The following NLRP14 variants were observed in gnomAD, a reference collection of about 807,000 sequenced individuals.
The protein encoded by NLRP14 is NACHT, LRR and PYD domains-containing protein 14.
NLRP14 carries 105 observed loss-of-function variants against 94.7 expected under a neutral mutation model. That is an observed-to-expected ratio of 1.11 (90% CI 0.95 to 1.30). The LOEUF (loss-of-function observed/expected upper bound fraction) is 1.30, where lower values mean the gene tolerates loss of function less well. Among genes scored for constraint, NLRP14 ranks in the 50% most tolerant of loss-of-function variants. The pLI is 0.00. For synonymous variants in NLRP14, 508 were observed against 459.9 expected (o/e 1.10, Z -1.34); for missense variants, 1,362 against 1,254.1 (o/e 1.09, Z -1.30).
At chr11:7,075,217 T>C (rs151309259), downstream of NLRP14, among the ~76,000 whole-genome samples, 241 of 152,334 alleles carry the variant, frequency 1.6e-3, no homozygotes, top group Non-Finnish European at 2.8e-3. Flanking sequence ...TTGGGGACTT[T>C]GGATTTTATT....
chr11:7,072,218 G>A (rs1235550839), downstream of NLRP14, among the ~76,000 whole-genome samples: 1 of 152,208 alleles, frequency 6.6e-6, no homozygotes, highest in Non-Finnish European at 1.5e-5. Flanking sequence ...GGGGTCCCTT[G>A]GTGGTATTCA....
At chr11:7,088,382 G>A in the NLRP14 span, among the ~76,000 whole-genome samples, 2 of 152,088 alleles carry the variant, frequency 1.3e-5, no homozygotes, top group Non-Finnish European at 2.9e-5. Flanking sequence ...ACAGCTCAAG[G>A]CATGATATTA....
chr11:7,056,077 G>GA (rs1209884478), intron 6 of NLRP14, among the ~76,000 whole-genome samples: 7 of 151,806 alleles, frequency 4.6e-5, no homozygotes, highest in Non-Finnish European at 2.9e-5. Flanking sequence ...ATACAGGTGA[G>GA]AAAAAACCTC....
At chr11:7,025,119 T>C (rs890607805) in intron 1 of NLRP14, among the ~76,000 whole-genome samples, 4 of 152,080 alleles carry the variant, frequency 2.6e-5, no homozygotes, top group Admixed American at 2.6e-4. Flanking sequence ...TCTGGATTAG[T>C]GAATAAAGAC....
chr11:7,090,060 T>C, the NLRP14 span: 2 of 1,612,806 alleles, frequency 1.2e-6, no homozygotes, highest in African/African-American at 1.3e-5. Context: ...GTACCGGGGC[T>C]ACTCACCCGA....
At chr11:7,071,103 C>T in intron 11 of NLRP14, 70 bp from the exon 12 acceptor site, 2 of 1,559,488 alleles carry the variant, frequency 1.3e-6, no homozygotes, top group South Asian at 1.1e-5. Flanking sequence ...GAAATAAATC[C>T]TTTACAGAGA....
At position 7,058,401 on chromosome 11, in the gene NLRP14, C is replaced by A; in HGVS notation, c.2584C>A (p.Leu862Ile). 2 of 1,612,796 alleles carry A rather than the reference C, an allele frequency of 1.2e-6. No individual in the cohort carries two copies. Among genetic ancestry groups the A allele is most frequent in the Non-Finnish European group, 1.7e-6 (2 of 1,178,980 alleles). ...DNVLGDGGVKLMSDALQHAQC... is the reference protein window; with the variant it reads ...DNVLGDGGVKIMSDALQHAQC... Reference sequence around the variant, plus strand: ...TGTCTTGGGTGATGGTGGAGTAAAGCTTATGAGTGATGCCCTGCAACATGC... The same window carrying A: ...TGTCTTGGGTGATGGTGGAGTAAAGATTATGAGTGATGCCCTGCAACATGC... Residue 862 changes from leucine (L) to isoleucine (I), a missense_variant, in exon 8 of 12, where the codon CTT becomes ATT. By Grantham distance (5) the Leu-to-Ile change is conservative (BLOSUM62 2). Transcript: ENST00000299481.
intron 6 of NLRP14, among the ~76,000 whole-genome samples, chr11:7,055,670 G>A (rs1043599265): frequency 4.6e-5 from 7 of 151,966 alleles, no homozygotes; most frequent in Admixed American, 1.3e-4. Flanking sequence ...TCTTGCATCC[G>A]TTAAAATCCT....
chr11:7,037,599 A>G (rs1426396917), intron 1 of NLRP14, among the ~76,000 whole-genome samples: 2 of 152,202 alleles, frequency 1.3e-5, no homozygotes, highest in African/African-American at 4.8e-5. Flanking sequence ...TTAAGTGATT[A>G]ATTGGAGCAC....
Position 7,059,958 on chromosome 11 carries a change from A to G in NLRP14, c.2698A>G (p.Lys900Glu), listed in dbSNP as rs1852589662. Residue 900 changes from lysine (K) to glutamate (E), a missense_variant, in exon 9 of 12, where the codon AAG becomes GAG. Physicochemically the swap from Lys to Glu is moderately conservative, Grantham distance 56. Transcript: ENST00000299481. ...TCTGTCAACTTCTCTTCTACACAACAAGAGCCTGACGCATCTGGATCTAGG... is the reference window on the plus strand; with the variant it reads ...TCTGTCAACTTCTCTTCTACACAACGAGAGCCTGACGCATCTGGATCTAGG... ...EYLSTSLLHN[K>E]SLTHLDLGSN... 6.2e-7 allele frequency: 1 copy of G among 1,612,538 alleles called. No homozygotes were observed. The highest frequency in any genetic ancestry group is 8.5e-7 in the Non-Finnish European group (1 of 1,178,910).
chr11:7,031,841 A>C (rs1010542559), intron 1 of NLRP14, among the ~76,000 whole-genome samples: 4 of 152,184 alleles, frequency 2.6e-5, no homozygotes, highest in African/African-American at 9.7e-5. Context: ...CCAGGTTATC[A>C]GTATCTGTCT....
In NLRP14 at chr11:7,059,979, C is replaced by A; in HGVS notation, c.2719C>A (p.Leu907Ile). ...LHNKSLTHLD[L>I]GSNWLQDNGV... ...CAACAAGAGCCTGACGCATCTGGAT[C>A]TAGGATCAAACTGGCTACAAGACAA... Residue 907 changes from leucine to isoleucine, a missense_variant, in exon 9 of 12, where the codon CTA (leucine) becomes ATA (isoleucine). Coordinates refer to ENST00000299481, the MANE Select transcript of NLRP14 (RefSeq NM_176822.4). 1 of 1,612,676 alleles carries A rather than the reference C, an allele frequency of 6.2e-7. No homozygotes were observed. The highest frequency in any genetic ancestry group is 8.5e-7 in the Non-Finnish European group (1 of 1,178,910).
chr11:7,061,549 T>C (rs1852620688), intron 9 of NLRP14, among the ~76,000 whole-genome samples: 1 of 152,038 alleles, frequency 6.6e-6, no homozygotes, highest in Admixed American at 6.6e-5. Flanking sequence ...CTAAAAGTCA[T>C]TAAGGTGATG....
the NLRP14 span, among the ~76,000 whole-genome samples, chr11:7,088,093 G>A: frequency 2.0e-4 from 30 of 152,134 alleles, no homozygotes; most frequent in African/African-American, 7.2e-4. Flanking sequence ...GTTAGAAAAG[G>A]GAAGATTTAA....
chr11:7,066,827 C>G (rs140133470), intron 10 of NLRP14, among the ~76,000 whole-genome samples: 2,010 of 152,074 alleles, frequency 0.013, 32 homozygotes, highest in Middle Eastern at 0.068. Flanking sequence ...GGTTTTAGGT[C>G]TTATGTTTAA....
rs753143817 is a variant in NLRP14, at chr11:7,046,725, T to A, written c.2016T>A (p.Asn672Lys). 3.1e-6 allele frequency: 5 copies of A among 1,613,348 alleles called. No individual in the cohort carries two copies. The highest frequency in any genetic ancestry group is 4.2e-6 in the Non-Finnish European group (5 of 1,179,340). Residue 672 changes from asparagine (N) to lysine (K), a missense_variant, in exon 5 of 12, where the codon AAT becomes AAA. Physicochemically the swap from Asn to Lys is moderately conservative, Grantham distance 94. Coordinates refer to ENST00000299481, the MANE Select transcript of NLRP14 (RefSeq NM_176822.4). ...WQDLCSVLHT[N>K]EHLRELDLYH... ...ATCTCTGTTCTGTGCTTCATACAAA[T>A]GAACACTTGAGAGAATTGGACCTGT...
the NLRP14 span, among the ~76,000 whole-genome samples, chr11:7,082,019 G>A: frequency 2.1e-3 from 316 of 152,232 alleles, no homozygotes; most frequent in Middle Eastern, 3.4e-3. Context: ...ATAAACTCAG[G>A]CATGGTCAAA....
At chr11:7,070,775 C>A (rs765629209) in intron 11 of NLRP14, among the ~76,000 whole-genome samples, 1 of 152,142 alleles carries the variant, frequency 6.6e-6, no homozygotes, top group African/African-American at 2.4e-5. Flanking sequence ...ATGATAAAAT[C>A]TACCCATAAG....
the NLRP14 span, among the ~76,000 whole-genome samples, chr11:7,084,521 CTA>C: frequency 6.6e-6 from 1 of 152,076 alleles, no homozygotes; most frequent in East Asian, 1.9e-4. Flanking sequence ...TCAATTGTGT[CTA>C]TGTCATGAAG....
Sources: gnomAD v4.1 joint callset for allele counts (sites outside exome capture counted in the v4.1 genomes callset) on GRCh38, gnomAD v4.1.1 for gene constraint, MANE v1.5 for transcripts, NCBI Gene and HGNC (gene_info 2026-07-23, HGNC 2026-07-21) for gene names.